Variants in ROBO2 observed in about 807,000 individuals in gnomAD.
ROBO2 encodes the protein roundabout guidance receptor 2.
ROBO2 carries 53 observed loss-of-function variants against 160.8 expected under a neutral mutation model. The observed-to-expected ratio is 0.33, with a 90% CI of 0.26 to 0.41. ROBO2 has a LOEUF of 0.41. Among genes scored for constraint, ROBO2 ranks in the 10% least tolerant of loss-of-function variants. The probability of loss-of-function intolerance (pLI) is 1.00; values close to 1 mark genes in which losing one functional copy is unlikely to be tolerated. For synonymous variants in ROBO2, 664 were observed against 611.7 expected, an observed-to-expected ratio of 1.09 and a Z score of -1.26; for missense variants, 1,577 against 1,722.4, an observed-to-expected ratio of 0.92 and a Z score of 1.49.
intron 2 of ROBO2, among the ~76,000 whole-genome samples, chr3:77,214,986 G>A (rs1223497219): frequency 6.6e-6 from 1 of 152,110 alleles, no homozygotes; most frequent in Non-Finnish European, 1.5e-5. Flanking sequence ...TGGGTAACCC[G>A]ACCTTTCTCT....
At chr3:75,934,435 CT>C (rs1268448997) in intron 1 of ROBO2, among the ~76,000 whole-genome samples, 2 of 152,122 alleles carry the variant, frequency 1.3e-5, no homozygotes, top group African/African-American at 4.8e-5. Context: ...GTTAATGTTA[CT>C]TTATGTTTTG....
intron 2 of ROBO2, among the ~76,000 whole-genome samples, chr3:76,341,638 C>T (rs918262824): frequency 6.6e-6 from 1 of 151,988 alleles, no homozygotes; most frequent in Non-Finnish European, 1.5e-5. Context: ...CATAGCCCTG[C>T]AGATTGTGTC....
At chr3:76,242,825 A>C (rs756324017) in intron 2 of ROBO2, among the ~76,000 whole-genome samples, 23 of 152,154 alleles carry the variant, frequency 1.5e-4, no homozygotes, top group Non-Finnish European at 3.1e-4. Context: ...TTGAAGCCGC[A>C]GTGACCCGTG....
chr3:76,524,137 A>C (rs1039117235), intron 2 of ROBO2, among the ~76,000 whole-genome samples: 1 of 152,078 alleles, frequency 6.6e-6, no homozygotes, highest in Non-Finnish European at 1.5e-5. Context: ...GAAAATGATC[A>C]TAACAGATGT....
intron 2 of ROBO2, among the ~76,000 whole-genome samples, chr3:77,114,562 C>G (rs1332507841): frequency 1.3e-5 from 2 of 152,112 alleles, no homozygotes. Flanking sequence ...TCTACACAGT[C>G]CTCGTTCACC....
At chr3:76,260,389 C>A (rs951622284) in intron 2 of ROBO2, among the ~76,000 whole-genome samples, 2 of 151,990 alleles carry the variant, frequency 1.3e-5, no homozygotes, top group Non-Finnish European at 2.9e-5. Context: ...AAAAAAAGTT[C>A]TCTACAATGA....
chr3:77,155,724 T>C (rs538906224), intron 2 of ROBO2, among the ~76,000 whole-genome samples: 7 of 152,192 alleles, frequency 4.6e-5, no homozygotes, highest in Admixed American at 2.0e-4. Flanking sequence ...AAAACAGTTC[T>C]TTTGAAAGTC....
chr3:77,489,040 G>T (rs1481119382), intron 4 of ROBO2, among the ~76,000 whole-genome samples: 1 of 152,174 alleles, frequency 6.6e-6, no homozygotes. Context: ...TTGGAATAAT[G>T]AATAACACAG....
chr3:77,274,819 C>T (rs542450296), intron 2 of ROBO2, among the ~76,000 whole-genome samples: 1 of 151,942 alleles, frequency 6.6e-6, no homozygotes, highest in South Asian at 2.1e-4. Flanking sequence ...ATAATCTGAG[C>T]CAAAGAGATG....
chr3:76,039,595 T>A (rs1387366946), intron 2 of ROBO2, among the ~76,000 whole-genome samples: 1 of 152,028 alleles, frequency 6.6e-6, no homozygotes, highest in East Asian at 1.9e-4. Context: ...AAACATTTTC[T>A]CTGTTGGGGA....
chr3:77,617,118 T>C (rs1328537259), intron 21 of ROBO2, among the ~76,000 whole-genome samples: 2 of 71,070 alleles, frequency 2.8e-5, no homozygotes, highest in Non-Finnish European at 4.8e-5. Flanking sequence ...CAATCAGCGA[T>C]ATTGGCATGT....
In ROBO2 at chr3:76,932,423, A is replaced by AACACACAC. The variant is rs71104640; in HGVS notation, c.110-165579_110-165572dup. Among the ~76,000 whole-genome samples the AACACACAC allele has an allele frequency of 4.0e-3, 599 of 150,644 alleles. 6 individuals are homozygous for AACACACAC. The highest frequency in any genetic ancestry group is 0.021 in the South Asian group (102 of 4,762). On this transcript the variant is annotated intron_variant, in intron 2 of 26. Coordinates refer to the ROBO2 transcript ENST00000487694. ...TCATGATTGCATGCATATGTTTAGA[A>AACACACAC]ACACACACACACACACACATACACG...
intron 2 of ROBO2, among the ~76,000 whole-genome samples, chr3:77,249,352 AAAT>A (rs2090096359): frequency 6.6e-6 from 1 of 152,228 alleles, no homozygotes; most frequent in Non-Finnish European, 1.5e-5. Flanking sequence ...ATTTAGAGAT[AAAT>A]AATCAAATAT....
intron 2 of ROBO2, among the ~76,000 whole-genome samples, chr3:76,141,153 CTCTCTCTATATATATA>C (rs1263056575): frequency 2.9e-5 from 1 of 34,650 alleles, no homozygotes; most frequent in African/African-American, 1.3e-4. Context: ...CTCTCTCTCT[CTCTCTCTATATATATA>C]TATATATATA....
intron 2 of ROBO2, among the ~76,000 whole-genome samples, chr3:76,146,832 AATGAT>A (rs1434543175): frequency 7.2e-6 from 1 of 137,996 alleles, no homozygotes; most frequent in Admixed American, 7.3e-5. Flanking sequence ...AGAATTCTAA[AATGAT>A]ATGAGGATAC....
intron 2 of ROBO2, among the ~76,000 whole-genome samples, chr3:76,626,821 T>G (rs190487632): frequency 6.6e-6 from 1 of 151,940 alleles, no homozygotes; most frequent in Non-Finnish European, 1.5e-5. Flanking sequence ...GCCTCCCGAG[T>G]AGCTGGGACT....
At position 77,290,200 on chromosome 3, in the gene ROBO2, C is replaced by T. The variant is rs191795702; in HGVS notation, c.389-187214C>T. 9.1e-3 allele frequency among the ~76,000 whole-genome samples: 1,350 copies of T among 148,148 alleles called. 81 individuals are homozygous for T. The highest frequency in any genetic ancestry group is 0.081 in the Admixed American group (1,200 of 14,868). On this transcript the variant is annotated intron_variant, in intron 2 of 25. Coordinates refer to ENST00000461745, the Ensembl canonical transcript of ROBO2. The stretch of plus-strand genomic sequence containing the variant: ...ACACAAAGTAAAATTGATGGTTAAA[C>T]GGGTAATCTGAGGCTAGATCACCCC...
chr3:76,653,463 T>C (rs552692861), intron 2 of ROBO2, among the ~76,000 whole-genome samples: 85 of 151,706 alleles, frequency 5.6e-4, no homozygotes, highest in African/African-American at 2.0e-3. Flanking sequence ...TTTTGCCATC[T>C]ACTAAGTTTC....
intron 2 of ROBO2, among the ~76,000 whole-genome samples, chr3:76,831,056 T>C (rs2067049141): frequency 6.6e-6 from 1 of 152,142 alleles, no homozygotes; most frequent in African/African-American, 2.4e-5. Flanking sequence ...ATTGCTGCCA[T>C]TATCTTACAT....
Sources: gnomAD v4.1 joint callset for allele counts (sites outside exome capture counted in the v4.1 genomes callset) on GRCh38, gnomAD v4.1.1 for gene constraint, MANE v1.5 for transcripts, NCBI Gene and HGNC (gene_info 2026-07-23, HGNC 2026-07-21) for gene names.